SLC30A8: variants seen among roughly 807,000 people sequenced by gnomAD.
SLC30A8 encodes the protein solute carrier family 30 member 8, also known as proton-coupled zinc antiporter SLC30A8.
Under a neutral mutation model 36.9 loss-of-function variants are expected in SLC30A8, and 27 were observed. The ratio of observed to expected loss-of-function variants is 0.73; its 90% CI spans 0.54 to 1.01. SLC30A8 has a LOEUF of 1.01. SLC30A8 is among the 50% of genes least tolerant of loss of function. The pLI is 0.00. For missense variants in SLC30A8, 439 were observed against 452.0 expected, an observed-to-expected ratio of 0.97 and a Z score of 0.26; for synonymous variants, 164 against 172.4, an observed-to-expected ratio of 0.95 and a Z score of 0.38.
upstream of SLC30A8, among the ~76,000 whole-genome samples, chr8:117,131,510 G>A (rs1470655641): frequency 6.6e-6 from 1 of 152,006 alleles, no homozygotes; most frequent in African/African-American, 2.4e-5. Flanking sequence ...CTCTACTGGT[G>A]AGGGGGTAGA....
chr8:116,962,958 C>T (rs796859936), intron 1 of SLC30A8, among the ~76,000 whole-genome samples: 4 of 151,782 alleles, frequency 2.6e-5, no homozygotes, highest in Non-Finnish European at 4.4e-5. Flanking sequence ...TCAAGGAACC[C>T]GGAGTCTGGC....
intron 1 of SLC30A8, among the ~76,000 whole-genome samples, chr8:116,964,678 G>A (rs1305631116): frequency 3.3e-5 from 5 of 152,166 alleles, no homozygotes; most frequent in African/African-American, 9.7e-5. Flanking sequence ...AGGCACAGAA[G>A]CCACATAAGA....
intron 2 of SLC30A8, among the ~76,000 whole-genome samples, chr8:117,077,500 C>T (rs890081685): frequency 6.6e-6 from 1 of 152,098 alleles, no homozygotes; most frequent in African/African-American, 2.4e-5. Flanking sequence ...TCTTTGGACG[C>T]AAACCTATAA....
chr8:117,008,167 G>C (rs1433487390), intron 1 of SLC30A8, among the ~76,000 whole-genome samples: 1 of 152,212 alleles, frequency 6.6e-6, no homozygotes, highest in Non-Finnish European at 1.5e-5. Flanking sequence ...TACTAGAATT[G>C]TGGTTAATGA....
intron 6 of SLC30A8, among the ~76,000 whole-genome samples, chr8:117,168,902 C>T (rs1823210869): frequency 6.6e-6 from 1 of 152,114 alleles, no homozygotes; most frequent in South Asian, 2.1e-4. Flanking sequence ...TCTAACTGAC[C>T]TCAATTTCCT....
intron 6 of SLC30A8, among the ~76,000 whole-genome samples, chr8:117,167,796 C>T (rs1206119986): frequency 6.6e-6 from 1 of 152,012 alleles, no homozygotes; most frequent in Non-Finnish European, 1.5e-5. Context: ...GGAATAATTC[C>T]TAGAAGTGAT....
chr8:116,961,838 C>T (rs1192176463), intron 1 of SLC30A8, among the ~76,000 whole-genome samples: 2 of 151,856 alleles, frequency 1.3e-5, no homozygotes, highest in Non-Finnish European at 2.9e-5. Context: ...AATCATAGCT[C>T]ACTGTAGCCT....
At chr8:117,145,801 T>G (rs1821869209) in intron 1 of SLC30A8, among the ~76,000 whole-genome samples, 1 of 152,136 alleles carries the variant, frequency 6.6e-6, no homozygotes, top group South Asian at 2.1e-4. Context: ...TACTTAAACT[T>G]CCTGAACCTT....
chr8:116,991,493 C>T (rs1164596859), intron 1 of SLC30A8, among the ~76,000 whole-genome samples: 5 of 151,932 alleles, frequency 3.3e-5, no homozygotes, highest in South Asian at 2.1e-4. Flanking sequence ...TTAGTAGAGA[C>T]GGGGTTTCAC....
At chr8:117,109,591 C>T (rs559956761) in intron 2 of SLC30A8, among the ~76,000 whole-genome samples, 23 of 151,922 alleles carry the variant, frequency 1.5e-4, no homozygotes, top group Non-Finnish European at 2.9e-4. Flanking sequence ...CTAAGAGCCC[C>T]GTGTATATTT....
At chr8:116,954,794 TTGAG>T (rs1241352122) in intron 1 of SLC30A8, among the ~76,000 whole-genome samples, 1 of 152,160 alleles carries the variant, frequency 6.6e-6, no homozygotes, top group Non-Finnish European at 1.5e-5. Context: ...AGTGAGATAT[TTGAG>T]TGTGCTTAAA....
At chr8:117,050,408 CTT>C (rs35839871) in intron 2 of SLC30A8, among the ~76,000 whole-genome samples, 43,395 of 143,720 alleles carry the variant, frequency 0.3, 6,785 homozygotes, top group African/African-American at 0.43. Flanking sequence ...TGATTTCTTT[CTT>C]TTTTTTTTTT....
chr8:117,102,718 G>A (rs1352542035), intron 2 of SLC30A8, among the ~76,000 whole-genome samples: 2 of 152,060 alleles, frequency 1.3e-5, no homozygotes, highest in Admixed American at 6.6e-5. Context: ...TCTTTGCATG[G>A]CCTTCTTCTA....
chr8:117,124,662 A>G (rs1168996257), intron 2 of SLC30A8, among the ~76,000 whole-genome samples: 2 of 151,802 alleles, frequency 1.3e-5, no homozygotes, highest in African/African-American at 4.8e-5. Context: ...AAAAAAAAAA[A>G]AAGATTAGAA....
chr8:116,979,529 G>T (rs1815184149), intron 1 of SLC30A8, among the ~76,000 whole-genome samples: 1 of 152,238 alleles, frequency 6.6e-6, no homozygotes, highest in South Asian at 2.1e-4. Flanking sequence ...TTGGGTACTG[G>T]TGGTCTCAGA....
At chr8:117,037,106 A>T (rs1002640909) in intron 1 of SLC30A8, among the ~76,000 whole-genome samples, 2 of 152,158 alleles carry the variant, frequency 1.3e-5, no homozygotes, top group Non-Finnish European at 2.9e-5. Flanking sequence ...AAAAATTAAA[A>T]TTCTTTCTAT....
intron 4 of SLC30A8, among the ~76,000 whole-genome samples, chr8:117,158,563 A>C (rs1039690561): frequency 2.6e-5 from 4 of 152,208 alleles, no homozygotes; most frequent in Admixed American, 2.6e-4. Context: ...TTAAGTTTCA[A>C]CCTGCTTGTC....
chr8:116,973,656 A>G (rs1814871638), intron 1 of SLC30A8, among the ~76,000 whole-genome samples: 1 of 152,208 alleles, frequency 6.6e-6, no homozygotes, highest in Non-Finnish European at 1.5e-5. Context: ...TCAAGCTACC[A>G]ATGACTTCCT....
At chr8:117,148,470 TTATAA>T (rs1320505329) in intron 2 of SLC30A8, among the ~76,000 whole-genome samples, 1 of 152,152 alleles carries the variant, frequency 6.6e-6, no homozygotes, top group Non-Finnish European at 1.5e-5. Context: ...GATTTATATG[TTATAA>T]TATCTGTTAT....
Sources: allele counts gnomAD v4.1 joint callset (sites outside exome capture counted in the v4.1 genomes callset), GRCh38; gene constraint gnomAD v4.1.1; transcripts MANE v1.5; gene names NCBI Gene and HGNC (gene_info 2026-07-23, HGNC 2026-07-21).